TMEM178B: variants seen among roughly 807,000 people sequenced by gnomAD.
TMEM178B encodes the protein transmembrane protein 178B.
In TMEM178B, 5 loss-of-function variants were observed where a neutral mutation model predicts 31.0. That is an observed-to-expected ratio of 0.16 (90% CI 0.08 to 0.34). The LOEUF (loss-of-function observed/expected upper bound fraction) is 0.34, where lower values mean the gene tolerates loss of function less well. TMEM178B is among the 10% of genes least tolerant of loss of function. TMEM178B has a pLI of 1.00. For synonymous variants in TMEM178B, 164 were observed against 164.0 expected (o/e 1.00, Z 0.00); for missense variants, 275 against 400.3 (o/e 0.69, Z 2.67).
At chr7:141,324,323 G>A (rs1799149409) in intron 2 of TMEM178B, among the ~76,000 whole-genome samples, 1 of 148,938 alleles carries the variant, frequency 6.7e-6, no homozygotes, top group African/African-American at 2.5e-5. Flanking sequence ...CAGGGAAGAT[G>A]ATGAGAAGAG....
chr7:141,393,029 G>A (rs1800574283), intron 2 of TMEM178B, among the ~76,000 whole-genome samples: 2 of 152,296 alleles, frequency 1.3e-5, no homozygotes, highest in Admixed American at 6.5e-5. Flanking sequence ...TAATGCACCA[G>A]TTGCAGCAAT....
intron 2 of TMEM178B, among the ~76,000 whole-genome samples, chr7:141,256,600 G>A (rs1797933255): frequency 1.3e-5 from 2 of 152,194 alleles, no homozygotes; most frequent in South Asian, 4.1e-4. Flanking sequence ...GTGATGGAAA[G>A]CTCTGGAGAG....
At chr7:141,207,612 T>C (rs1429361515) in intron 1 of TMEM178B, among the ~76,000 whole-genome samples, 1 of 152,220 alleles carries the variant, frequency 6.6e-6, no homozygotes, top group Admixed American at 6.5e-5. Context: ...TTCAAATCCT[T>C]TCCCCATTTT....
intron 3 of TMEM178B, among the ~76,000 whole-genome samples, chr7:141,449,599 G>C (rs1317471631): frequency 3.3e-5 from 5 of 152,218 alleles, no homozygotes; most frequent in Admixed American, 2.0e-4. Context: ...CCCTGAGATA[G>C]GCTTAGAGCA....
intron 2 of TMEM178B, among the ~76,000 whole-genome samples, chr7:141,399,014 C>T (rs964860102): frequency 3.3e-5 from 5 of 152,254 alleles, no homozygotes; most frequent in African/African-American, 7.2e-5. Context: ...AAGCGGTAAT[C>T]AGTGTGCTCT....
At chr7:141,408,296 G>C (rs1194681255) in intron 2 of TMEM178B, among the ~76,000 whole-genome samples, 1 of 152,194 alleles carries the variant, frequency 6.6e-6, no homozygotes, top group African/African-American at 2.4e-5. Flanking sequence ...GAGGCTTTGG[G>C]GTGGCTGGTT....
At chr7:141,414,490 C>T (rs1801062474) in intron 2 of TMEM178B, 1 of 149,846 alleles carries the variant, frequency 6.7e-6, no homozygotes, top group Non-Finnish European at 1.5e-5. Context: ...TTTCAGTCTT[C>T]ACAATAGAGT....
At chr7:141,376,884 A>G (rs1158620302) in intron 2 of TMEM178B, among the ~76,000 whole-genome samples, 3 of 152,194 alleles carry the variant, frequency 2.0e-5, no homozygotes, top group Non-Finnish European at 1.5e-5. Context: ...AGAAATTTGA[A>G]TATGATAAAA....
At chr7:141,363,668 CAG>C (rs2116551536) in intron 2 of TMEM178B, among the ~76,000 whole-genome samples, 1 of 152,270 alleles carries the variant, frequency 6.6e-6, no homozygotes, top group South Asian at 2.1e-4. Flanking sequence ...AAGTGGAAAA[CAG>C]AGAGTTCTGT....
intron 1 of TMEM178B, among the ~76,000 whole-genome samples, chr7:141,187,883 T>G (rs1423761591): frequency 2.0e-5 from 3 of 152,196 alleles, no homozygotes; most frequent in Admixed American, 6.5e-5. Context: ...TTTCTCCCAT[T>G]CTGTAGGTTG....
At chr7:141,359,618 T>C (rs1799882626) in intron 2 of TMEM178B, among the ~76,000 whole-genome samples, 1 of 152,216 alleles carries the variant, frequency 6.6e-6, no homozygotes, top group African/African-American at 2.4e-5. Flanking sequence ...CAGGTCCATC[T>C]TGGAGTTCTT....
chr7:141,364,093 G>A (rs1006946857), intron 2 of TMEM178B, among the ~76,000 whole-genome samples: 3 of 152,120 alleles, frequency 2.0e-5, no homozygotes, highest in African/African-American at 4.8e-5. Context: ...TTTAGGTGTA[G>A]TTACAGCTTT....
intron 2 of TMEM178B, among the ~76,000 whole-genome samples, chr7:141,407,246 G>C (rs1586940201): frequency 6.6e-6 from 1 of 152,348 alleles, no homozygotes; most frequent in East Asian, 1.9e-4. Context: ...GCATCCATGG[G>C]TGAACTTTCT....
chr7:141,457,471 T>G (rs1480752862), intron 3 of TMEM178B, among the ~76,000 whole-genome samples: 1 of 152,140 alleles, frequency 6.6e-6, no homozygotes, highest in Non-Finnish European at 1.5e-5. Context: ...ATACAGAAAC[T>G]GAGGCCGAAC....
chr7:141,432,184 T>C (rs1801446881), intron 2 of TMEM178B, among the ~76,000 whole-genome samples: 1 of 122,626 alleles, frequency 8.2e-6, no homozygotes, highest in Admixed American at 1.1e-4. Context: ...TGAGACGGAG[T>C]CTCACTGTCG....
intron 2 of TMEM178B, among the ~76,000 whole-genome samples, chr7:141,377,425 T>G (rs1393786802): frequency 6.6e-6 from 1 of 151,974 alleles, no homozygotes. Context: ...TCAGGTGATC[T>G]GCCTGCCTCG....
intron 2 of TMEM178B, among the ~76,000 whole-genome samples, chr7:141,218,088 G>A (rs1045737398): frequency 2.0e-5 from 3 of 151,562 alleles, no homozygotes; most frequent in East Asian, 1.9e-4. Context: ...CCCCAACCCC[G>A]CAGACACACA....
chr7:141,371,544 A>G (rs1283594175), intron 2 of TMEM178B, among the ~76,000 whole-genome samples: 1 of 152,234 alleles, frequency 6.6e-6, no homozygotes, highest in Non-Finnish European at 1.5e-5. Flanking sequence ...GACACTGTAG[A>G]TACGGAATAA....
chr7:141,153,587 G>A (rs1056395993), intron 1 of TMEM178B, among the ~76,000 whole-genome samples: 2 of 152,168 alleles, frequency 1.3e-5, no homozygotes, highest in African/African-American at 4.8e-5. Flanking sequence ...CACTAGCAGA[G>A]TATGATAATA....
Sources: allele counts gnomAD v4.1 joint callset (sites outside exome capture counted in the v4.1 genomes callset), GRCh38; gene constraint gnomAD v4.1.1; transcripts MANE v1.5; gene names NCBI Gene and HGNC (gene_info 2026-07-23, HGNC 2026-07-21).